RADIL: variants seen among roughly 807,000 people sequenced by gnomAD.
The protein encoded by RADIL is ras-associating and dilute domain-containing protein.
Under a neutral mutation model 97.6 loss-of-function variants are expected in RADIL, and 99 were observed. That is an observed-to-expected ratio of 1.01 (90% CI 0.86 to 1.20). The LOEUF (loss-of-function observed/expected upper bound fraction) is 1.20, where lower values mean the gene tolerates loss of function less well. RADIL is among the 50% of genes most tolerant of loss of function. The probability of loss-of-function intolerance (pLI) is 0.00; values close to 1 mark genes in which losing one functional copy is unlikely to be tolerated. For synonymous variants in RADIL, 803 were observed against 691.8 expected, an observed-to-expected ratio of 1.16 and a Z score of -2.52; for missense variants, 1,765 against 1,498.9, an observed-to-expected ratio of 1.18 and a Z score of -2.93.
intron 1 of RADIL, among the ~76,000 whole-genome samples, chr7:4,882,545 C>T (rs903368825): frequency 1.2e-4 from 18 of 152,306 alleles, no homozygotes; most frequent in African/African-American, 4.1e-4. Flanking sequence ...GTCAGTGCTG[C>T]GCTGACGACA....
chr7:4,823,683 G>T (rs933901203), intron 5 of RADIL, among the ~76,000 whole-genome samples: 2 of 152,190 alleles, frequency 1.3e-5, no homozygotes, highest in Non-Finnish European at 1.5e-5. Context: ...CGTCAGGCTG[G>T]CTTCCAAGCT....
Position 4,835,906 on chromosome 7 carries a change from C to T in RADIL, c.783+452G>A, listed in dbSNP as rs558281157. Among the ~76,000 whole-genome samples, 1 of 152,364 alleles carries T rather than the reference C, an allele frequency of 6.6e-6. No individual in the cohort carries two copies. The highest frequency in any genetic ancestry group is 1.9e-4 in the East Asian group (1 of 5,182). On this transcript the variant is annotated intron_variant, in intron 3 of 14. Coordinates refer to ENST00000399583, the MANE Select transcript of RADIL (RefSeq NM_018059.5). The surrounding 1 kb of genome is among the most constrained non-coding windows in gnomAD (Gnocchi z 5.8). ...CTGATGGAAGTGGTGAGAAACGGCT[C>T]TGGGCAGATAGGGGTGGCATGGGCC...
In RADIL at chr7:4,819,618, G is replaced by C. The variant is rs1298107544; in HGVS notation, c.1616-2267C>G. ...GGCGGCGCGGGAGGGGCCTGGGTCA[G>C]AGCTTTGTACAAAACAGTGTTTGCG... On this transcript the variant is annotated intron_variant, in intron 6 of 14. Transcript: ENST00000399583. This position sits in a 1 kb window ranked among gnomAD's most constrained non-coding sequence, Gnocchi z 5.8. 1.3e-5 allele frequency among the ~76,000 whole-genome samples: 2 copies of C among 152,216 alleles called. No individual in the cohort carries two copies. The highest frequency in any genetic ancestry group is 4.8e-5 in the African/African-American group (2 of 41,454).
At chr7:4,808,294 T>C (rs1782412221) in intron 9 of RADIL, among the ~76,000 whole-genome samples, 1 of 151,688 alleles carries the variant, frequency 6.6e-6, no homozygotes, top group Non-Finnish European at 1.5e-5. Flanking sequence ...CAGCTTTTTA[T>C]TTCTGCTTCC....
chr7:4,841,172 T>A (rs1302636127), intron 2 of RADIL, among the ~76,000 whole-genome samples: 1 of 152,176 alleles, frequency 6.6e-6, no homozygotes, highest in Non-Finnish European at 1.5e-5. Flanking sequence ...ATGTCTTCTG[T>A]TGCCTACCCC....
intron 2 of RADIL, chr7:4,860,090 T>TC: frequency 6.2e-7 from 1 of 1,614,036 alleles, no homozygotes; most frequent in Non-Finnish European, 8.5e-7. Flanking sequence ...CAAGGAAAAT[T>TC]CAGTAGCCTG....
Position 4,798,851 on chromosome 7 carries a change from C to T in RADIL, c.*527G>A, listed in dbSNP as rs1029697782. Reference sequence around the variant, plus strand: ...TTTCTCTGGGGCCTGTGCTGAGCAGCGGGATCAGAAGTCCAGCATCCTCTG... The same window carrying T: ...TTTCTCTGGGGCCTGTGCTGAGCAGTGGGATCAGAAGTCCAGCATCCTCTG... On this transcript the variant is annotated 3_prime_UTR_variant, in exon 15 of 15. Coordinates refer to ENST00000399583, the MANE Select transcript of RADIL (RefSeq NM_018059.5). 2.5e-5 allele frequency: 4 copies of T among 161,482 alleles called. No homozygotes were observed. Among genetic ancestry groups the T allele is most frequent in the Non-Finnish European group, 5.4e-5 (4 of 73,418 alleles). 10.0% of individuals were successfully genotyped at this position (161,482 alleles called of 1,614,324 possible). A position where few individuals can be genotyped will look rare whatever the true frequency, so the allele number is the denominator to read the frequency against.
At chr7:4,802,785 T>TC (rs1392413987) in intron 11 of RADIL, among the ~76,000 whole-genome samples, 1 of 100,222 alleles carries the variant, frequency 1.0e-5, no homozygotes, top group Non-Finnish European at 1.9e-5. Context: ...GGGGGCCCCC[T>TC]CCCCAGACAC....
intron 6 of RADIL, among the ~76,000 whole-genome samples, chr7:4,820,858 G>GCAGAT (rs1782812838): frequency 6.6e-6 from 1 of 152,200 alleles, no homozygotes; most frequent in South Asian, 2.1e-4. Flanking sequence ...GGGTCACTGT[G>GCAGAT]CAGATGCCCC....
intron 5 of RADIL, among the ~76,000 whole-genome samples, chr7:4,826,238 G>A (rs1490284662): frequency 6.6e-6 from 1 of 151,524 alleles, no homozygotes; most frequent in African/African-American, 2.4e-5. Flanking sequence ...ATTAAATGAA[G>A]TAAAAACAAA....
At chr7:4,816,197 C>T (rs1446367815) in intron 8 of RADIL, 31 bp downstream of exon 8, 1 of 1,581,992 alleles carries the variant, frequency 6.3e-7, no homozygotes, top group Non-Finnish European at 8.7e-7. Context: ...ATGTGAGCCC[C>T]CGACCCCTCA....
chr7:4,799,007 C>T lies in RADIL; in HGVS notation c.*371G>A, dbSNP rs1781989190. On this transcript the variant is annotated 3_prime_UTR_variant, in exon 15 of 15. Transcript: ENST00000399583. ...CTGATGACAGCTGTCACTGCATTCT[C>T]CCGTGCCGGTGGCAGGCAGAGGCCA... is the stretch of plus-strand genomic sequence containing the variant. The T allele has an allele frequency of 1.2e-5, 3 of 253,886 alleles. No individual in the cohort carries two copies. The highest frequency in any genetic ancestry group is 8.8e-5 in the South Asian group (2 of 22,636). The allele number at this position is 253,886 out of a possible 1,614,324, so 15.7% of individuals were successfully genotyped here.
chr7:4,865,515 C>T lies in RADIL; in HGVS notation c.535+12090G>A, dbSNP rs116492259. ...ACTCTCTTTGCTGTTAGCAACTATG[C>T]GCAGCCAATATTCTTCAAATATTTT... is the stretch of plus-strand genomic sequence containing the variant. On this transcript the variant is annotated intron_variant, in intron 2 of 14. Coordinates refer to ENST00000399583, the MANE Select transcript of RADIL (RefSeq NM_018059.5). 5.3e-4 allele frequency: 412 copies of T among 781,936 alleles called. 2 individuals are homozygous for T. The highest frequency in any genetic ancestry group is 4.9e-3 in the South Asian group (357 of 73,570). 48.4% of individuals were successfully genotyped at this position (781,936 alleles called of 1,614,324 possible). A position where few individuals can be genotyped will look rare whatever the true frequency, so the allele number is the denominator to read the frequency against.
chr7:4,838,122 G>A, intron 2 of RADIL: 4 of 935,528 alleles, frequency 4.3e-6, no homozygotes, highest in African/African-American at 3.6e-5. Flanking sequence ...TGCTGGGCTG[G>A]GCTGCTCACC....
chr7:4,807,980 T>TC (rs1554261197), intron 9 of RADIL, among the ~76,000 whole-genome samples: 1 of 47,814 alleles, frequency 2.1e-5, no homozygotes, highest in African/African-American at 1.6e-4. Flanking sequence ...CCCTCCTCCC[T>TC]CTCTCCCTGT....
chr7:4,806,431 C>A, intron 9 of RADIL, among the ~76,000 whole-genome samples: 1 of 152,176 alleles, frequency 6.6e-6, no homozygotes, highest in East Asian at 1.9e-4. Flanking sequence ...AAGCAATCCT[C>A]CCGCCTCAGC....
intron 2 of RADIL, chr7:4,860,780 T>C (rs779193660): frequency 1.9e-6 from 3 of 1,614,166 alleles, no homozygotes; most frequent in South Asian, 1.1e-5. Flanking sequence ...AGCAAGCCCC[T>C]GTTTAAACTC....
intron 2 of RADIL, chr7:4,861,694 G>A (rs1304656279): frequency 1.9e-6 from 3 of 1,581,168 alleles, no homozygotes; most frequent in Non-Finnish European, 2.6e-6. Context: ...GCCTCTGGGT[G>A]AGGAGGCAGT....
intron 2 of RADIL, among the ~76,000 whole-genome samples, chr7:4,841,380 G>C (rs1014412618): frequency 6.6e-6 from 1 of 152,222 alleles, no homozygotes; most frequent in Admixed American, 6.5e-5. Context: ...AGGGAGGGGA[G>C]CCACTGCCAG....
Sources: gnomAD v4.1 joint callset for allele counts (sites outside exome capture counted in the v4.1 genomes callset) on GRCh38, gnomAD v4.1.1 for gene constraint, Gnocchi (gnomAD v3.1) non-coding constraint, MANE v1.5 for transcripts, NCBI Gene and HGNC (gene_info 2026-07-23, HGNC 2026-07-21) for gene names.